Variants in RBM26 observed in about 807,000 individuals in gnomAD.
RBM26 encodes the protein RNA-binding protein 26.
RBM26 carries 30 observed loss-of-function variants against 123.6 expected under a neutral mutation model. The observed-to-expected ratio is 0.24, with a 90% CI of 0.18 to 0.33. RBM26 has a LOEUF of 0.33. RBM26 is among the 10% of genes least tolerant of loss of function. The probability of loss-of-function intolerance (pLI) is 1.00; values close to 1 mark genes in which losing one functional copy is unlikely to be tolerated. For missense variants in RBM26, 947 were observed against 1,203.6 expected (o/e 0.79, Z 3.15); for synonymous variants, 400 against 404.4 (o/e 0.99, Z 0.13).
intron 11 of RBM26, among the ~76,000 whole-genome samples, chr13:79,356,193 C>T (rs186520425): frequency 6.6e-6 from 1 of 152,104 alleles, no homozygotes; most frequent in Admixed American, 6.5e-5. Flanking sequence ...TAAGACCCCA[C>T]TGGTACAAAT....
At chr13:79,394,770 A>G (rs1179225063) in intron 1 of RBM26, among the ~76,000 whole-genome samples, 1 of 152,134 alleles carries the variant, frequency 6.6e-6, no homozygotes, top group Non-Finnish European at 1.5e-5. Flanking sequence ...AGTAGCTGGG[A>G]TTACAGGCAC....
chr13:79,330,620 G>A (rs1000171756), intron 20 of RBM26, among the ~76,000 whole-genome samples: 4 of 152,106 alleles, frequency 2.6e-5, no homozygotes, highest in South Asian at 2.1e-4. Flanking sequence ...TTTTAGTAAC[G>A]ATAATATAAC....
downstream of RBM26, among the ~76,000 whole-genome samples, chr13:79,316,044 T>C (rs1225430669): frequency 1.3e-5 from 2 of 151,906 alleles, no homozygotes; most frequent in African/African-American, 4.8e-5. Context: ...AGAAATTTAA[T>C]TCTGCATTAA....
intron 3 of RBM26, among the ~76,000 whole-genome samples, chr13:79,372,218 G>A (rs1021317168): frequency 3.3e-5 from 5 of 152,210 alleles, no homozygotes; most frequent in Non-Finnish European, 7.3e-5. Flanking sequence ...GGCAGAGGTT[G>A]CAGTGAGCTG....
intron 20 of RBM26, among the ~76,000 whole-genome samples, chr13:79,325,751 T>C (rs1210436925): frequency 6.6e-6 from 1 of 152,158 alleles, no homozygotes; most frequent in Non-Finnish European, 1.5e-5. Flanking sequence ...GTTTATAAGG[T>C]CTAAAGTACG....
Position 79,366,115 on chromosome 13 carries a change from C to T in RBM26, c.1216G>A (p.Val406Ile). 1 of 1,614,058 alleles carries T rather than the reference C, an allele frequency of 6.2e-7. No homozygotes were observed. The highest frequency in any genetic ancestry group is 8.5e-7 in the Non-Finnish European group (1 of 1,179,940). Residue 406 changes from valine (V) to isoleucine (I), a missense_variant, in exon 8 of 22, where the codon GTA (valine) becomes ATA (isoleucine). Physicochemically the swap from Val to Ile is conservative, Grantham distance 29. Coordinates refer to ENST00000438737, the MANE Select transcript of RBM26 (RefSeq NM_001366735.2). ...PNSATSSVPT[V>I]VTTGIHHQPP... ...TGGTGATGAATGCCAGTTGTTACTA[C>T]AGTAGGAACAGAACTGGTTGCAGAG...
intron 14 of RBM26, among the ~76,000 whole-genome samples, chr13:79,347,218 A>G (rs2139287207): frequency 8.0e-6 from 1 of 125,128 alleles, no homozygotes; most frequent in South Asian, 2.7e-4. Flanking sequence ...CTGTAAAACT[A>G]GAACATCCAC....
chr13:79,380,778 T>C (rs539480985), intron 1 of RBM26, among the ~76,000 whole-genome samples: 2 of 152,180 alleles, frequency 1.3e-5, no homozygotes, highest in East Asian at 3.9e-4. Context: ...CCTATCTCCC[T>C]ACCACCCTTC....
rs201642205 is a variant in RBM26, at chr13:79,361,365, T to TA, written c.1418-1680dup. ...CATTACAGCTCTAATTACTCCATTTTAAAAAAAAGAAACTCTCGTAAAACC... is the reference window on the plus strand; with the variant it reads ...CATTACAGCTCTAATTACTCCATTTTAAAAAAAAAGAAACTCTCGTAAAACC... On this transcript the variant is annotated intron_variant, in intron 9 of 21. Coordinates refer to ENST00000438737, the MANE Select transcript of RBM26 (RefSeq NM_001366735.2). 4.0e-3 allele frequency among the ~76,000 whole-genome samples: 602 copies of TA among 151,918 alleles called. 2 individuals carry two copies. Among genetic ancestry groups the TA allele is most frequent in the Middle Eastern group, 6.8e-3 (2 of 294 alleles).
chr13:79,380,614 CATTT>C (rs2140256641), intron 1 of RBM26, among the ~76,000 whole-genome samples: 1 of 152,110 alleles, frequency 6.6e-6, no homozygotes, highest in Admixed American at 6.5e-5. Context: ...TCACCTAAAA[CATTT>C]ATTTCTTTGT....
chr13:79,368,193 T>C (rs570749570), intron 6 of RBM26, among the ~76,000 whole-genome samples: 5 of 152,002 alleles, frequency 3.3e-5, no homozygotes, highest in African/African-American at 4.8e-5. Context: ...CCCAGCTAAT[T>C]TGTTGTATTT....
rs142761798 is a variant in RBM26 at position 79,392,663 on chromosome 13, A to G, written c.71+13041T>C. Among the ~76,000 whole-genome samples the G allele has an allele frequency of 6.4e-4, 96 of 150,334 alleles. 1 individual carries two copies. Among genetic ancestry groups the G allele is most frequent in the African/African-American group, 2.3e-3 (93 of 41,190 alleles). ...TATAAAACAAACACACATTAAAACT[A>G]TGTTAGCCATTCCACCTCGGGCTGG... On this transcript the variant is annotated intron_variant, in intron 1 of 21. Transcript: ENST00000438737.
At position 79,365,664 on chromosome 13, in the gene RBM26, G is replaced by A. The variant is rs1296711986; in HGVS notation, c.1331C>T (p.Ser444Phe). Residue 444 changes from serine to phenylalanine, a missense_variant, in exon 9 of 22, where the codon TCC (serine) becomes TTC (phenylalanine). This residue lies in a region of RBM26 where 493 missense variants were observed against 563.1 expected (regional missense o/e 0.88). Coordinates refer to ENST00000438737, the MANE Select transcript of RBM26 (RefSeq NM_001366735.2). ...CACTCTGTGTCTATACATAGGTCTG[G>A]AAGTGTTTGTTATGCTTGGGGCTTC... Reference protein sequence around the residue: ...NPEAPSITNTSRPMYRHRVHA... With the variant: ...NPEAPSITNTFRPMYRHRVHA... 1 of 1,613,750 alleles carries A rather than the reference G, an allele frequency of 6.2e-7. No homozygotes were observed. The highest frequency in any genetic ancestry group is 1.1e-5 in the South Asian group (1 of 91,068).
At chr13:79,405,528 T>C (rs998270597) in intron 1 of RBM26, among the ~76,000 whole-genome samples, 176 bp downstream of exon 1, 1 of 151,726 alleles carries the variant, frequency 6.6e-6, no homozygotes, top group Non-Finnish European at 1.5e-5. Flanking sequence ...ACTCAGGCTC[T>C]CGGGGGTATC....
At chr13:79,340,700 A>T (rs1435757750) in intron 18 of RBM26, among the ~76,000 whole-genome samples, 6 of 151,906 alleles carry the variant, frequency 3.9e-5, no homozygotes, top group Non-Finnish European at 8.8e-5. Flanking sequence ...TATAGGCAAA[A>T]CTCAAGTAAA....
chr13:79,367,406 CAAAAAAAAA>C lies in RBM26; in HGVS notation c.896-543_896-535del, dbSNP rs776345304. Among the ~76,000 whole-genome samples the C allele has an allele frequency of 2.5e-4, 10 of 39,662 alleles. No homozygotes were observed. The South Asian group carries it at 5.2e-3, about 21-fold the overall frequency. 26.0% of individuals were successfully genotyped at this position (39,662 alleles called of 152,430 possible). ...TGGGGTATAGGGGGAGACTCCATCT[CAAAAAAAAA>C]AAAAAAAAAAAAAAAAAGAAGAAGA... On this transcript the variant is annotated intron_variant, in intron 6 of 21. Transcript: ENST00000438737.
intron 14 of RBM26, among the ~76,000 whole-genome samples, chr13:79,348,699 G>A (rs555644320): frequency 6.6e-6 from 1 of 152,246 alleles, no homozygotes; most frequent in Admixed American, 6.5e-5. Flanking sequence ...TTCATAGTAA[G>A]TAGTCACCTG....
intron 15 of RBM26, 63 bp downstream of exon 15, chr13:79,344,604 AAC>A: frequency 7.0e-7 from 1 of 1,430,412 alleles, no homozygotes. Context: ...GCACTGAAAA[AAC>A]ACATACACAA....
intron 1 of RBM26, among the ~76,000 whole-genome samples, chr13:79,390,461 A>T (rs1313179486): frequency 2.0e-5 from 3 of 152,220 alleles, no homozygotes; most frequent in Admixed American, 6.5e-5. Context: ...ATGGGAAAAG[A>T]AATGAGTAAA....
Sources: gnomAD v4.1 joint callset for allele counts (sites outside exome capture counted in the v4.1 genomes callset) on GRCh38, gnomAD v4.1.1 for gene constraint, gnomAD v4.1.1 regional missense constraint, MANE v1.5 for transcripts, NCBI Gene and HGNC (gene_info 2026-07-23, HGNC 2026-07-21) for gene names.